RAVER2: variants seen among roughly 807,000 people sequenced by gnomAD.
The protein encoded by RAVER2 is ribonucleoprotein, PTB binding 2.
A neutral mutation model predicts 78.1 loss-of-function variants in RAVER2; 46 were observed. That is an observed-to-expected ratio of 0.59 (90% confidence interval 0.46 to 0.75). The LOEUF (loss-of-function observed/expected upper bound fraction) is 0.75. Ranked by LOEUF, RAVER2 falls within the 30% of genes least tolerant of loss-of-function variation. The pLI, the probability that RAVER2 is intolerant of heterozygous loss-of-function variation, is 0.00. For missense variants in RAVER2, 793 were observed against 837.5 expected, an observed-to-expected ratio of 0.95 and a Z score of 0.66; for synonymous variants, 311 against 313.3, an observed-to-expected ratio of 0.99 and a Z score of 0.08.
intron 2 of RAVER2, among the ~76,000 whole-genome samples, chr1:64,772,207 C>T (rs1215725470): frequency 2.6e-5 from 4 of 151,818 alleles, no homozygotes; most frequent in Admixed American, 6.6e-5. Context: ...TTAGAGAATT[C>T]GTGGCCTTGG....
chr1:64,814,905 G>A, intron 11 of RAVER2, 65 bp downstream of exon 11: 1 of 1,303,620 alleles, frequency 7.7e-7, no homozygotes, highest in South Asian at 2.1e-5. Flanking sequence ...TGAGTTCACT[G>A]AATATGAAAT....
intron 2 of RAVER2, among the ~76,000 whole-genome samples, chr1:64,774,405 G>C (rs186163497): frequency 5.9e-5 from 9 of 152,314 alleles, no homozygotes; most frequent in African/African-American, 1.9e-4. Flanking sequence ...TGGCTAGCCA[G>C]TTTTCCCAAT....
In RAVER2 at chr1:64,778,771, CTT is replaced by C. The variant is rs755084250; in HGVS notation, c.786+680_786+681del. Among the ~76,000 whole-genome samples the C allele has an allele frequency of 2.4e-4, 36 of 148,988 alleles. 5 individuals are homozygous for C. The highest frequency in any genetic ancestry group is 4.7e-4 in the Admixed American group (7 of 14,866). On this transcript the variant is annotated intron_variant, in intron 3 of 11. Transcript: ENST00000294428. ...ATAGCAACTGATCAATTATTTCTCT[CTT>C]GTTTCTCTCCATTTCTTCCTTCTCC...
intron 4 of RAVER2, among the ~76,000 whole-genome samples, chr1:64,784,389 A>G (rs1652721629): frequency 6.6e-6 from 1 of 152,112 alleles, no homozygotes; most frequent in Non-Finnish European, 1.5e-5. Flanking sequence ...AAACAAAGCA[A>G]AACAAAACAA....
chr1:64,783,158 CT>C (rs1652681112), intron 4 of RAVER2, among the ~76,000 whole-genome samples: 2 of 152,132 alleles, frequency 1.3e-5, no homozygotes, highest in African/African-American at 4.8e-5. Flanking sequence ...GGTTCCAAGT[CT>C]TTGCTATTGT....
intron 8 of RAVER2, among the ~76,000 whole-genome samples, chr1:64,806,873 C>T (rs1653430798): frequency 6.6e-6 from 1 of 152,204 alleles, no homozygotes; most frequent in African/African-American, 2.4e-5. Flanking sequence ...AGCACTAATA[C>T]AGCTTAAATG....
At position 64,825,110 on chromosome 1, in the gene RAVER2, CATTTT is replaced by C. The variant is rs1338627295; in HGVS notation, c.1930-5725_1930-5721del. Among the ~76,000 whole-genome samples the C allele has an allele frequency of 5.3e-5, 8 of 152,032 alleles. No individual in the cohort carries two copies. The East Asian group carries it at 9.6e-4, about 18-fold the overall frequency. On this transcript the variant is annotated intron_variant, in intron 11 of 11. Transcript: ENST00000294428. ...GTTATGTATATATATCAGACAGAGA[CATTTT>C]ATTATATCATTAATGTCACAGAATG...
chr1:64,807,733 G>A (rs534878981), intron 9 of RAVER2, among the ~76,000 whole-genome samples: 2 of 152,242 alleles, frequency 1.3e-5, no homozygotes, highest in African/African-American at 4.8e-5. Flanking sequence ...TGTAAGTAAA[G>A]TAATTTTAAT....
At chr1:64,812,818 G>A in exon 10 of RAVER2, 5 of 1,611,682 alleles carry the variant, frequency 3.1e-6, no homozygotes, top group Non-Finnish European at 4.2e-6. Context: ...ACTTGAATTT[G>A]GCAAGTGTGT....
intron 4 of RAVER2, among the ~76,000 whole-genome samples, chr1:64,783,501 C>T (rs1293658971): frequency 6.6e-6 from 1 of 152,168 alleles, no homozygotes; most frequent in African/African-American, 2.4e-5. Flanking sequence ...AGCATTTTTT[C>T]ATGTGTCTGT....
At chr1:64,823,417 CTT>C (rs1653932506) in intron 11 of RAVER2, among the ~76,000 whole-genome samples, 1 of 152,112 alleles carries the variant, frequency 6.6e-6, no homozygotes, top group Admixed American at 6.6e-5. Flanking sequence ...ATTGGGAAAA[CTT>C]AAATCAGAAA....
intron 11 of RAVER2, among the ~76,000 whole-genome samples, chr1:64,824,469 G>A (rs1653961611): frequency 6.6e-6 from 1 of 152,148 alleles, no homozygotes. Flanking sequence ...GATCCGAATC[G>A]TGTGACAAAC....
In RAVER2 at chr1:64,798,450, G is replaced by T. The variant is rs1010828152; in HGVS notation, c.1106-4526G>T. 2.7e-5 allele frequency among the ~76,000 whole-genome samples: 4 copies of T among 150,102 alleles called. No individual in the cohort carries two copies. The South Asian group carries it at 8.6e-4, about 32-fold the overall frequency. On this transcript the variant is annotated intron_variant, in intron 5 of 11. Coordinates refer to ENST00000294428, the Ensembl canonical transcript of RAVER2. ...TTGGGTATATACCCAGTAATGGGAT[G>T]GCTGGGTCAAATGGTATTTCTAGTT... is the stretch of plus-strand genomic sequence containing the variant.
chr1:64,758,442 G>A (rs1301077517), intron 1 of RAVER2, among the ~76,000 whole-genome samples: 1 of 152,098 alleles, frequency 6.6e-6, no homozygotes, highest in Non-Finnish European at 1.5e-5. Context: ...TAAAAGCAGA[G>A]CATTTTCTTG....
intron 11 of RAVER2, among the ~76,000 whole-genome samples, chr1:64,824,206 T>G (rs190047562): frequency 3.0e-4 from 46 of 152,340 alleles, no homozygotes; most frequent in African/African-American, 1.1e-3. Context: ...TGTGTTACCC[T>G]GATTCCAGGG....
intron 11 of RAVER2, among the ~76,000 whole-genome samples, chr1:64,829,765 A>G (rs872800): frequency 0.11 from 17,378 of 152,284 alleles, 1,282 homozygotes; most frequent in East Asian, 0.23. Flanking sequence ...TTCTTTGCCC[A>G]TCAGCTTCAC....
intron 10 of RAVER2, 101 bp from the exon 11 acceptor site, chr1:64,814,603 A>C: frequency 1.6e-6 from 1 of 634,934 alleles, no homozygotes; most frequent in South Asian, 7.5e-5. Flanking sequence ...ATTTGTTTAT[A>C]ATATAACTTA....
chr1:64,759,976 T>C lies in RAVER2; in HGVS notation c.250-8680T>C, dbSNP rs757114941. On this transcript the variant is annotated intron_variant, in intron 1 of 11. Transcript: ENST00000294428. ...TCAAAGGTCTACTTTCTGCTAGATA[T>C]TGTGCTGGATGTTGGAGATCTGTTT... Among the ~76,000 whole-genome samples the C allele has an allele frequency of 4.6e-5, 7 of 152,328 alleles. No individual in the cohort carries two copies. The South Asian group carries it at 1.4e-3, about 32-fold the overall frequency.
At chr1:64,755,642 T>C (rs986938835) in intron 1 of RAVER2, among the ~76,000 whole-genome samples, 1 of 151,850 alleles carries the variant, frequency 6.6e-6, no homozygotes, top group South Asian at 2.1e-4. Flanking sequence ...TCCTGGACTT[T>C]GGATATTCTA....
Sources: gnomAD v4.1 joint callset for allele counts (sites outside exome capture counted in the v4.1 genomes callset) on GRCh38, gnomAD v4.1.1 for gene constraint, MANE v1.5 for transcripts, NCBI Gene and HGNC (gene_info 2026-07-23, HGNC 2026-07-21) for gene names.